BCR: variants seen among roughly 807,000 people sequenced by gnomAD.
BCR encodes breakpoint cluster region protein.
In BCR, 58 loss-of-function variants were observed where a neutral mutation model predicts 138.6. That is an observed-to-expected ratio of 0.42 (90% CI 0.34 to 0.52). The LOEUF (loss-of-function observed/expected upper bound fraction) is 0.52. Among genes scored for constraint, BCR ranks in the 20% least tolerant of loss-of-function variants. The probability of loss-of-function intolerance (pLI) is 0.06; values close to 1 mark genes in which losing one functional copy is unlikely to be tolerated. For synonymous variants in BCR, 786 were observed against 730.1 expected, an observed-to-expected ratio of 1.08 and a Z score of -1.23; for missense variants, 1,599 against 1,727.2, an observed-to-expected ratio of 0.93 and a Z score of 1.32.
At chr22:23,250,484 C>A (rs984892867) in intron 1 of BCR, among the ~76,000 whole-genome samples, 15 of 152,136 alleles carry the variant, frequency 9.9e-5, no homozygotes, top group African/African-American at 3.4e-4. Context: ...TTTGCTGGCC[C>A]GACCAAAAAC....
chr22:23,224,022 G>A (rs1220878603), intron 1 of BCR, among the ~76,000 whole-genome samples: 5 of 152,166 alleles, frequency 3.3e-5, no homozygotes, highest in Non-Finnish European at 7.3e-5. Context: ...CTGGTTTGGA[G>A]GGACAGTTTA....
intron 22 of BCR, 77 bp downstream of exon 22, chr22:23,314,791 G>A: frequency 3.9e-6 from 6 of 1,544,912 alleles, no homozygotes; most frequent in South Asian, 3.4e-5. Context: ...CCCCAGTCCT[G>A]CCCATCTTCT....
At chr22:23,183,199 C>T (rs192277622) in intron 1 of BCR, among the ~76,000 whole-genome samples, 5 of 152,182 alleles carry the variant, frequency 3.3e-5, no homozygotes, top group African/African-American at 1.2e-4. Flanking sequence ...TTTTGAGATC[C>T]AGACACAGTT....
chr22:23,206,291 TA>T (rs1217475880), intron 1 of BCR, among the ~76,000 whole-genome samples: 1 of 152,114 alleles, frequency 6.6e-6, no homozygotes, highest in East Asian at 1.9e-4. Context: ...GCTAAGAAAA[TA>T]GGCTGGGGGC....
At chr22:23,251,517 C>G (rs1338020052) in intron 1 of BCR, among the ~76,000 whole-genome samples, 1 of 152,238 alleles carries the variant, frequency 6.6e-6, no homozygotes, top group Non-Finnish European at 1.5e-5. Context: ...CTTCGGCCAC[C>G]TGCACCCACA....
Position 23,181,383 on chromosome 22 carries a change from A to G in BCR, c.423A>G (p.Glu141=), listed in dbSNP as rs759009831. 2.6e-6 allele frequency: 4 copies of G among 1,539,114 alleles called. No homozygotes were observed. The highest frequency in any genetic ancestry group is 3.5e-6 in the Non-Finnish European group (4 of 1,146,680). Residue 141 remains glutamate, a synonymous_variant, in exon 1 of 23, where the codon GAA becomes GAG. Transcript: ENST00000305877. ...GGCCCGGGGCAGCCGCGTCGGGGGAACGGGACGACCGGGGACCCCCCGCCA... is the reference window on the plus strand; with the variant it reads ...GGCCCGGGGCAGCCGCGTCGGGGGAGCGGGACGACCGGGGACCCCCCGCCA... ...ARRPGAAASG[E]RDDRGPPASV...
chr22:23,199,244 T>C (rs538215049), intron 1 of BCR: 2 of 517,496 alleles, frequency 3.9e-6, no homozygotes, highest in Non-Finnish European at 7.7e-6. Context: ...CAGAAGACTC[T>C]TCTCTTCTCT....
chr22:23,208,131 A>G lies in BCR; in HGVS notation c.1279+25892A>G, dbSNP rs187979776. 1.8e-3 allele frequency among the ~76,000 whole-genome samples: 280 copies of G among 152,330 alleles called. 2 individuals carry two copies. Among genetic ancestry groups the G allele is most frequent in the Non-Finnish European group, 3.2e-3 (216 of 68,022 alleles). On this transcript the variant is annotated intron_variant, in intron 1 of 22. Coordinates refer to ENST00000305877, the MANE Select transcript of BCR (RefSeq NM_004327.4). The stretch of plus-strand genomic sequence containing the variant: ...TGGAGCTTCGTGTTTGCAGAGCTTC[A>G]TGCTTCAGTTGGTACCCCGTGAGGC...
intron 16 of BCR, among the ~76,000 whole-genome samples, chr22:23,299,121 C>T (rs182146922): frequency 8.6e-5 from 13 of 151,694 alleles, no homozygotes; most frequent in African/African-American, 2.9e-4. Flanking sequence ...CTCAGCCTCC[C>T]GAGTAGCCGG....
chr22:23,245,403 G>A (rs936799832), intron 1 of BCR, among the ~76,000 whole-genome samples: 1 of 152,098 alleles, frequency 6.6e-6, no homozygotes, highest in Non-Finnish European at 1.5e-5. Flanking sequence ...CTTGGGTGCT[G>A]GCCTGGTGAT....
intron 16 of BCR, among the ~76,000 whole-genome samples, chr22:23,297,130 T>C (rs900830089): frequency 1.3e-5 from 2 of 151,902 alleles, no homozygotes; most frequent in African/African-American, 4.8e-5. Context: ...CTCAAACTCC[T>C]GGCTGAAGCA....
chr22:23,199,699 T>C (rs916720366), intron 1 of BCR, among the ~76,000 whole-genome samples: 1 of 152,002 alleles, frequency 6.6e-6, no homozygotes, highest in African/African-American at 2.4e-5. Context: ...GAGGGGAAAA[T>C]GGATGTTTTC....
At chr22:23,200,507 A>G (rs1178248883) in intron 1 of BCR, among the ~76,000 whole-genome samples, 4 of 151,644 alleles carry the variant, frequency 2.6e-5, no homozygotes, top group East Asian at 1.9e-4. Context: ...TGTAGAGACA[A>G]GGTTTCACTA....
At chr22:23,299,794 C>G (rs1421805419) in intron 16 of BCR, among the ~76,000 whole-genome samples, 1 of 152,030 alleles carries the variant, frequency 6.6e-6, no homozygotes, top group Admixed American at 6.5e-5. Context: ...TGCCCTCTCA[C>G]AGATGAAGGT....
Position 23,181,845 on chromosome 22 carries a change from G to T in BCR, c.885G>T (p.Pro295=). The change falls in exon 1 of 23, where the codon CCG becomes CCT. Residue 295 remains proline, a synonymous_variant. Coordinates refer to ENST00000305877, the MANE Select transcript of BCR (RefSeq NM_004327.4). The part of the protein sequence containing the change: ...GGMMEGEGKG[P]LLRSQSTSEQ... ...TGATGGAAGGGGAGGGCAAGGGCCC[G>T]CTCCTGCGCAGCCAGAGCACCTCTG... is the stretch of plus-strand genomic sequence containing the variant. The T allele has an allele frequency of 6.2e-7, 1 of 1,612,192 alleles. No individual in the cohort carries two copies. The highest frequency in any genetic ancestry group is 8.5e-7 in the Non-Finnish European group (1 of 1,179,696).
chr22:23,206,166 C>G (rs2072610567), intron 1 of BCR, among the ~76,000 whole-genome samples: 1 of 152,156 alleles, frequency 6.6e-6, no homozygotes, highest in African/African-American at 2.4e-5. Context: ...TGAATATTCC[C>G]TGAAACAAGG....
intron 1 of BCR, among the ~76,000 whole-genome samples, chr22:23,202,757 ATATATT>A (rs2072571178): frequency 1.1e-5 from 1 of 92,188 alleles, no homozygotes; most frequent in Non-Finnish European, 2.2e-5. Flanking sequence ...GTATATATAT[ATATATT>A]TAATCTATCA....
chr22:23,208,172 T>G (rs2072640187), intron 1 of BCR, among the ~76,000 whole-genome samples: 1 of 152,138 alleles, frequency 6.6e-6, no homozygotes, highest in Non-Finnish European at 1.5e-5. Context: ...TGGGCAGCTG[T>G]TCAGAAACCT....
At chr22:23,308,921 G>A (rs2073977838) in intron 16 of BCR, among the ~76,000 whole-genome samples, 1 of 152,086 alleles carries the variant, frequency 6.6e-6, no homozygotes, top group South Asian at 2.1e-4. Flanking sequence ...TTGTTTCTGG[G>A]TCCTTCTGGG....
Sources: gnomAD v4.1 joint callset for allele counts (sites outside exome capture counted in the v4.1 genomes callset) on GRCh38, gnomAD v4.1.1 for gene constraint, MANE v1.5 for transcripts, NCBI Gene and HGNC (gene_info 2026-07-23, HGNC 2026-07-21) for gene names.